Variants in PDE10A observed in about 807,000 individuals in gnomAD.
PDE10A encodes phosphodiesterase 10A, also known as cAMP and cAMP-inhibited cGMP 3',5'-cyclic phosphodiesterase 10A.
In PDE10A, 39 loss-of-function variants were observed where a neutral mutation model predicts 97.7. The ratio of observed to expected loss-of-function variants is 0.40; its 90% CI spans 0.31 to 0.52. The LOEUF (loss-of-function observed/expected upper bound fraction) is 0.52. Among genes scored for constraint, PDE10A ranks in the 20% least tolerant of loss-of-function variants. PDE10A has a pLI of 0.56. For missense variants in PDE10A, 731 were observed against 1,047.8 expected, an observed-to-expected ratio of 0.70 and a Z score of 4.17; for synonymous variants, 371 against 376.8, an observed-to-expected ratio of 0.98 and a Z score of 0.18.
At chr6:165,554,344 T>C (rs1784150188) in intron 1 of PDE10A, among the ~76,000 whole-genome samples, 1 of 151,878 alleles carries the variant, frequency 6.6e-6, no homozygotes, top group South Asian at 2.1e-4. Context: ...AATCAAACAA[T>C]GGCCAAAAGA....
chr6:165,437,007 A>G (rs757266645), intron 5 of PDE10A, among the ~76,000 whole-genome samples: 9 of 152,166 alleles, frequency 5.9e-5, no homozygotes, highest in Non-Finnish European at 1.0e-4. Context: ...TTCTCAAACT[A>G]TAAGGAAGCA....
chr6:165,383,019 A>T (rs1215506820), intron 17 of PDE10A, among the ~76,000 whole-genome samples: 2 of 152,166 alleles, frequency 1.3e-5, no homozygotes, highest in Non-Finnish European at 2.9e-5. Flanking sequence ...ACGAATTGGA[A>T]GAACTCTCTA....
intron 1 of PDE10A, among the ~76,000 whole-genome samples, chr6:165,748,781 A>T (rs945336300): frequency 4.0e-5 from 6 of 151,518 alleles, no homozygotes; most frequent in Non-Finnish European, 5.9e-5. Context: ...TTAGTGTTCA[A>T]ATCAGTGCCA....
rs1583166958 is a variant in PDE10A at position 165,835,245 on chromosome 6, C to T, written c.-615+152284G>A. On this transcript the variant is annotated intron_variant, in intron 1 of 19. Transcript: ENST00000366882. ...TATTTTAACAATGATAAAATTGAGG[C>T]TTTGAAACAAATTTATTTTTCTTTG... is the stretch of plus-strand genomic sequence containing the variant. Among the ~76,000 whole-genome samples the T allele has an allele frequency of 2.0e-5, 3 of 152,340 alleles. No individual in the cohort carries two copies. The East Asian group carries it at 5.8e-4, about 29-fold the overall frequency.
chr6:165,362,728 T>C, intron 18 of PDE10A, among the ~76,000 whole-genome samples: 1 of 152,154 alleles, frequency 6.6e-6, no homozygotes, highest in East Asian at 1.9e-4. Context: ...AGGCCAGTGT[T>C]ACCCTGACAC....
At chr6:165,414,206 C>CT in intron 12 of PDE10A, among the ~76,000 whole-genome samples, 1 of 152,306 alleles carries the variant, frequency 6.6e-6, no homozygotes, top group East Asian at 1.9e-4. Flanking sequence ...ACAGCCACAC[C>CT]ATTCATTCAC....
intron 1 of PDE10A, among the ~76,000 whole-genome samples, chr6:165,768,596 G>A (rs905173939): frequency 2.6e-5 from 4 of 152,002 alleles, no homozygotes; most frequent in Admixed American, 2.0e-4. Context: ...CTATCATATG[G>A]TATTTCTAAG....
chr6:165,410,826 C>G (rs185192347), intron 13 of PDE10A, among the ~76,000 whole-genome samples: 2 of 151,020 alleles, frequency 1.3e-5, no homozygotes, highest in African/African-American at 2.4e-5. Flanking sequence ...CGGTGGCTCA[C>G]GCCTGTAATC....
chr6:165,689,356 T>C (rs1235637725), intron 1 of PDE10A, among the ~76,000 whole-genome samples: 5 of 152,202 alleles, frequency 3.3e-5, no homozygotes, highest in Non-Finnish European at 7.3e-5. Context: ...ACGTCAGTCA[T>C]TTGGTTCCCA....
At chr6:165,947,404 A>G (rs1783807218) in intron 1 of PDE10A, among the ~76,000 whole-genome samples, 1 of 152,120 alleles carries the variant, frequency 6.6e-6, no homozygotes, top group South Asian at 2.1e-4. Flanking sequence ...CCCTTAGATC[A>G]ATGTCTAGAT....
chr6:165,634,025 T>C (rs1382377805), intron 1 of PDE10A, among the ~76,000 whole-genome samples: 1 of 152,076 alleles, frequency 6.6e-6, no homozygotes. Context: ...GTGTGTAATC[T>C]CCTGAGTGGT....
chr6:165,602,333 C>T (rs1011193321), intron 1 of PDE10A, among the ~76,000 whole-genome samples: 13 of 152,190 alleles, frequency 8.5e-5, no homozygotes, highest in Admixed American at 5.9e-4. Context: ...TAGGAGGCAG[C>T]TACCAGCCCG....
At chr6:165,460,134 T>C (rs1778233463) in intron 3 of PDE10A, among the ~76,000 whole-genome samples, 4 of 152,156 alleles carry the variant, frequency 2.6e-5, no homozygotes, top group Admixed American at 2.6e-4. Context: ...AGTGCCGCAG[T>C]AGATTTATGC....
At chr6:165,732,167 C>A (rs1263899555) in intron 1 of PDE10A, among the ~76,000 whole-genome samples, 1 of 152,218 alleles carries the variant, frequency 6.6e-6, no homozygotes, top group East Asian at 1.9e-4. Context: ...GGCTTTCTTA[C>A]GAGAACTACC....
At chr6:165,659,114 G>A (rs1006427448) in intron 1 of PDE10A, among the ~76,000 whole-genome samples, 7 of 152,154 alleles carry the variant, frequency 4.6e-5, no homozygotes, top group Non-Finnish European at 7.3e-5. Flanking sequence ...GAGCCAAAAC[G>A]CAGAGCTAAA....
At chr6:165,936,236 G>T (rs1426782296) in intron 1 of PDE10A, among the ~76,000 whole-genome samples, 1 of 152,162 alleles carries the variant, frequency 6.6e-6, no homozygotes, top group Non-Finnish European at 1.5e-5. Flanking sequence ...TTGAGCTGGA[G>T]ATATGAAATC....
chr6:165,472,173 A>G (rs1246763362), intron 3 of PDE10A, among the ~76,000 whole-genome samples: 2 of 152,030 alleles, frequency 1.3e-5, no homozygotes, highest in Non-Finnish European at 2.9e-5. Context: ...TTTTCACTAT[A>G]GCAGTATATT....
chr6:165,664,608 CG>C (rs1304101202), upstream of PDE10A, among the ~76,000 whole-genome samples: 1 of 152,102 alleles, frequency 6.6e-6, no homozygotes, highest in Non-Finnish European at 1.5e-5. Flanking sequence ...TGAATTTTTT[CG>C]GCAAAGAAAA....
chr6:165,971,331 A>G (rs1485054285), intron 1 of PDE10A, among the ~76,000 whole-genome samples: 2 of 152,178 alleles, frequency 1.3e-5, no homozygotes, highest in Non-Finnish European at 2.9e-5. Context: ...CCATGATTCA[A>G]TTCAGTCAAG....
Sources: gnomAD v4.1 joint callset for allele counts (sites outside exome capture counted in the v4.1 genomes callset) on GRCh38, gnomAD v4.1.1 for gene constraint, MANE v1.5 for transcripts, NCBI Gene and HGNC (gene_info 2026-07-23, HGNC 2026-07-21) for gene names.